The following C12orf42 variants were observed in gnomAD, a reference collection of about 807,000 sequenced individuals.
The protein encoded by C12orf42 is chromosome 12 open reading frame 42, also known as uncharacterized protein C12orf42.
In C12orf42, 25 loss-of-function variants were observed where a neutral mutation model predicts 21.6. That is an observed-to-expected ratio of 1.16 (90% CI 0.84 to 1.62). The LOEUF is 1.62. Among genes scored for constraint, C12orf42 ranks in the 40% most tolerant of loss-of-function variants. The pLI, the probability that C12orf42 is intolerant of heterozygous loss-of-function variation, is 0.00. For synonymous variants in C12orf42, 174 were observed against 175.0 expected (o/e 0.99, Z 0.05); for missense variants, 483 against 459.3 (o/e 1.05, Z -0.47).
At chr12:103,094,545 A>C in the C12orf42 span, among the ~76,000 whole-genome samples, 6 of 152,176 alleles carry the variant, frequency 3.9e-5, no homozygotes, top group Non-Finnish European at 8.8e-5. Context: ...AAAAGCTGGG[A>C]GTCATCTCTT....
chr12:103,229,508 T>A, the C12orf42 span, among the ~76,000 whole-genome samples: 1 of 152,248 alleles, frequency 6.6e-6, no homozygotes, highest in Non-Finnish European at 1.5e-5. Context: ...TAAGCTGGTT[T>A]GTGTGTACTT....
intron 3 of C12orf42, among the ~76,000 whole-genome samples, chr12:103,398,757 C>T (rs1041931307): frequency 6.6e-6 from 1 of 152,038 alleles, no homozygotes; most frequent in African/African-American, 2.4e-5. Flanking sequence ...TTCCTTTCCC[C>T]ATCAGTATCT....
At chr12:103,401,459 A>G (rs965811504) in intron 3 of C12orf42, 148 bp downstream of exon 3, 8 of 710,144 alleles carry the variant, frequency 1.1e-5, no homozygotes, top group Admixed American at 5.8e-5. Flanking sequence ...ATGTCTTTTA[A>G]CATTCTTCTT....
At chr12:103,415,168 G>A (rs1331592489) in intron 2 of C12orf42, among the ~76,000 whole-genome samples, 3 of 151,978 alleles carry the variant, frequency 2.0e-5, no homozygotes, top group Non-Finnish European at 2.9e-5. Flanking sequence ...TAAGAATTAA[G>A]AAGGATAATG....
chr12:103,347,291 G>C (rs965349512), intron 4 of C12orf42, among the ~76,000 whole-genome samples: 1 of 151,424 alleles, frequency 6.6e-6, no homozygotes, highest in Non-Finnish European at 1.5e-5. Context: ...ACTTCTGAGT[G>C]AGAACATGCG....
chr12:103,197,623 G>A, the C12orf42 span, among the ~76,000 whole-genome samples: 2 of 152,192 alleles, frequency 1.3e-5, no homozygotes, highest in Non-Finnish European at 1.5e-5. Context: ...TCACTTGGAG[G>A]CAAGAAGACC....
intron 10 of C12orf42, among the ~76,000 whole-genome samples, chr12:103,238,870 A>G (rs769890762): frequency 2.0e-5 from 3 of 152,216 alleles, no homozygotes; most frequent in Non-Finnish European, 4.4e-5. Context: ...AGCCAGTTCT[A>G]TAAGCTCGAT....
chr12:103,342,887 T>G (rs934708567), intron 4 of C12orf42, among the ~76,000 whole-genome samples: 3 of 152,202 alleles, frequency 2.0e-5, no homozygotes, highest in African/African-American at 7.2e-5. Flanking sequence ...CTTGGGCACA[T>G]GCAAGGGTGC....
intron 4 of C12orf42, among the ~76,000 whole-genome samples, chr12:103,318,607 G>A (rs956792301): frequency 7.2e-5 from 11 of 152,144 alleles, no homozygotes; most frequent in Admixed American, 5.9e-4. Context: ...GAATGAACTT[G>A]AGCATCTCCC....
At chr12:103,529,142 T>TA in the C12orf42 span, among the ~76,000 whole-genome samples, 8 of 152,290 alleles carry the variant, frequency 5.3e-5, no homozygotes, top group African/African-American at 1.7e-4. Flanking sequence ...GAGCATGACT[T>TA]AAAAATAGGG....
chr12:103,538,632 G>T, the C12orf42 span, among the ~76,000 whole-genome samples: 2 of 152,180 alleles, frequency 1.3e-5, no homozygotes, highest in South Asian at 4.1e-4. Flanking sequence ...CATCCACTTG[G>T]GTGATTCAAC....
chr12:103,330,623 A>G (rs751292626), intron 4 of C12orf42, among the ~76,000 whole-genome samples: 8 of 151,824 alleles, frequency 5.3e-5, no homozygotes, highest in Non-Finnish European at 1.0e-4. Flanking sequence ...CGCTATCACA[A>G]CTCTTCTTAA....
At chr12:103,318,175 G>A (rs1418495837) in intron 4 of C12orf42, among the ~76,000 whole-genome samples, 2 of 152,074 alleles carry the variant, frequency 1.3e-5, no homozygotes, top group Non-Finnish European at 2.9e-5. Context: ...TGTAGTCTTA[G>A]CTACTCCAGA....
At chr12:103,212,576 G>T in the C12orf42 span, among the ~76,000 whole-genome samples, 1 of 152,018 alleles carries the variant, frequency 6.6e-6, no homozygotes, top group Non-Finnish European at 1.5e-5. Flanking sequence ...ATAGTGTTGG[G>T]TATATCCATC....
At chr12:103,221,432 T>C in the C12orf42 span, among the ~76,000 whole-genome samples, 1 of 152,238 alleles carries the variant, frequency 6.6e-6, no homozygotes, top group Admixed American at 6.5e-5. Flanking sequence ...AAGTCCAGTC[T>C]CAGTTTTCAA....
chr12:103,259,551 T>A (rs937829958), intron 10 of C12orf42, among the ~76,000 whole-genome samples: 4 of 152,202 alleles, frequency 2.6e-5, no homozygotes, highest in Non-Finnish European at 4.4e-5. Flanking sequence ...AGTGCTGGGA[T>A]TACAGGCATA....
chr12:103,321,749 G>A (rs1320329306), intron 4 of C12orf42, among the ~76,000 whole-genome samples: 1 of 148,614 alleles, frequency 6.7e-6, no homozygotes, highest in African/African-American at 2.5e-5. Flanking sequence ...ATCATTCTCA[G>A]TAAACTATCG....
the C12orf42 span, among the ~76,000 whole-genome samples, chr12:103,160,248 T>G: frequency 1.3e-5 from 2 of 152,190 alleles, no homozygotes; most frequent in African/African-American, 2.4e-5. Flanking sequence ...GAATAATTCC[T>G]AGAACCACAG....
intron 4 of C12orf42, among the ~76,000 whole-genome samples, chr12:103,343,774 CAAAAAAA>C (rs397747722): frequency 1.6e-5 from 1 of 62,888 alleles, no homozygotes; most frequent in African/African-American, 5.6e-5. Context: ...AACTCTGTCA[CAAAAAAA>C]AAAAAAAAAG....
Sources: allele counts gnomAD v4.1 joint callset (sites outside exome capture counted in the v4.1 genomes callset), GRCh38; gene constraint gnomAD v4.1.1; transcripts MANE v1.5; gene names NCBI Gene and HGNC (gene_info 2026-07-23, HGNC 2026-07-21).